The following KALRN variants were observed in gnomAD, a reference collection of about 807,000 sequenced individuals.
The protein encoded by KALRN is kalirin RhoGEF kinase, also known as kalirin.
KALRN carries 70 observed loss-of-function variants against 353.7 expected under a neutral mutation model. The observed-to-expected ratio is 0.20, with a 90% CI of 0.16 to 0.24. The LOEUF (loss-of-function observed/expected upper bound fraction) is 0.24. KALRN is among the 10% of genes least tolerant of loss of function. The pLI is 1.00. For missense variants in KALRN, 2,791 were observed against 3,756.7 expected (o/e 0.74, Z 6.72); for synonymous variants, 1,391 against 1,434.8 (o/e 0.97, Z 0.69).
chr3:124,167,145 C>G (rs1403605542), intron 1 of KALRN, among the ~76,000 whole-genome samples: 1 of 152,024 alleles, frequency 6.6e-6, no homozygotes, highest in South Asian at 2.1e-4. Context: ...AAGAGTAAAC[C>G]CTGTGTCCTT....
chr3:124,335,406 C>T (rs1355129540), intron 9 of KALRN, among the ~76,000 whole-genome samples: 2 of 152,038 alleles, frequency 1.3e-5, no homozygotes, highest in Non-Finnish European at 2.9e-5. Flanking sequence ...TTTTCCTTTA[C>T]CACTAATAAT....
At chr3:124,405,927 A>C (rs1326967031) in intron 13 of KALRN, among the ~76,000 whole-genome samples, 1 of 152,216 alleles carries the variant, frequency 6.6e-6, no homozygotes, top group Non-Finnish European at 1.5e-5. Context: ...TACAGGCGTG[A>C]GCCACCACAC....
chr3:124,471,954 G>A (rs1383859584), intron 25 of KALRN, among the ~76,000 whole-genome samples: 4 of 126,388 alleles, frequency 3.2e-5, no homozygotes, highest in Admixed American at 9.3e-5. Context: ...GTGACAGAGT[G>A]AGACTCCGTC....
rs141308679 is a variant in KALRN at position 124,284,655 on chromosome 3, G to A, written c.970-14136G>A. Among the ~76,000 whole-genome samples the A allele has an allele frequency of 3.0e-4, 45 of 152,200 alleles. No individual in the cohort carries two copies. In the East Asian group the frequency reaches 3.5e-3, roughly 12 times the overall value. On this transcript the variant is annotated intron_variant, in intron 5 of 59. Coordinates refer to ENST00000682506, the MANE Select transcript of KALRN (RefSeq NM_001388419.1). ...CCGTGGCCTTGATCTTTTATCACCC[G>A]TGTCTAACCCAATGTCTGGAATACG...
At chr3:124,642,806 G>GTTTTTTTGTTGTTTTTGTTTTTTT (rs1553707032) in intron 37 of KALRN, among the ~76,000 whole-genome samples, 1 of 96,840 alleles carries the variant, frequency 1.0e-5, no homozygotes, top group Non-Finnish European at 1.9e-5. Context: ...CCCAAGCCTC[G>GTTTTTTTGTTGTTTTTGTTTTTTT]TTTTTTTTTT....
At chr3:124,445,726 C>T (rs2093815680) in intron 19 of KALRN, among the ~76,000 whole-genome samples, 1 of 152,194 alleles carries the variant, frequency 6.6e-6, no homozygotes, top group African/African-American at 2.4e-5. Flanking sequence ...AGCCCTCATT[C>T]CACTATAAAT....
intron 25 of KALRN, 120 bp from the exon 26 acceptor site, chr3:124,474,543 A>G (rs1165937846): frequency 1.3e-6 from 1 of 752,028 alleles, no homozygotes; most frequent in Non-Finnish European, 2.4e-6. Flanking sequence ...TCTATCACTT[A>G]GACAGTAGAG....
chr3:124,251,555 G>C (rs1019810506), intron 3 of KALRN, among the ~76,000 whole-genome samples: 1 of 151,886 alleles, frequency 6.6e-6, no homozygotes, highest in African/African-American at 2.4e-5. Context: ...TTTTTTTGTA[G>C]AGACGTGGTT....
chr3:124,687,914 T>C (rs1315464483), intron 51 of KALRN, among the ~76,000 whole-genome samples: 1 of 152,066 alleles, frequency 6.6e-6, no homozygotes, highest in Non-Finnish European at 1.5e-5. Flanking sequence ...ACGAAAATAC[T>C]TGGGAGTAAG....
Position 124,443,600 on chromosome 3 carries a change from T to C in KALRN, c.3313+1541T>C, listed in dbSNP as rs146923094. On this transcript the variant is annotated intron_variant, in intron 19 of 59. Coordinates refer to ENST00000682506, the MANE Select transcript of KALRN (RefSeq NM_001388419.1). ...CCAGCACATTTGAAAGCATATGTTC[T>C]GGCTTCCAAATGTAGATGGGAGCTT... Among the ~76,000 whole-genome samples the C allele has an allele frequency of 2.5e-3, 381 of 152,360 alleles. 5 individuals are homozygous for C. The highest frequency in any genetic ancestry group is 8.6e-3 in the African/African-American group (357 of 41,582).
rs577210534 is a variant in KALRN at position 124,422,868 on chromosome 3, T to C, written c.2599T>C (p.Leu867=). 7 of 1,613,958 alleles carry C rather than the reference T, an allele frequency of 4.3e-6. No individual in the cohort carries two copies. The highest frequency in any genetic ancestry group is 1.7e-5 in the Admixed American group (1 of 59,990). ...IDLAAQVQEL[L]EFLHEKQHEL... Reference sequence around the variant, plus strand: ...TCTGGCAGCCCAGGTGCAAGAGTTATTGGAATTTCTCCATGAGAAGCAGCA... The same window carrying C: ...TCTGGCAGCCCAGGTGCAAGAGTTACTGGAATTTCTCCATGAGAAGCAGCA... The change falls in exon 15 of 60, where the codon TTG becomes CTG. Residue 867 remains leucine (L), a synonymous_variant. Coordinates refer to ENST00000682506, the MANE Select transcript of KALRN (RefSeq NM_001388419.1).
At chr3:124,084,065 A>C (rs1346545607) in intron 1 of KALRN, among the ~76,000 whole-genome samples, 1 of 152,174 alleles carries the variant, frequency 6.6e-6, no homozygotes, top group African/African-American at 2.4e-5. Flanking sequence ...CTAAATGGGG[A>C]GAAGGAGAAA....
chr3:124,394,931 C>G (rs2089965961), intron 11 of KALRN, among the ~76,000 whole-genome samples: 2 of 152,136 alleles, frequency 1.3e-5, no homozygotes, highest in South Asian at 4.2e-4. Flanking sequence ...TCTTTAGGGA[C>G]TGTCAACACC....
chr3:124,157,378 C>G (rs1436840098), intron 1 of KALRN, among the ~76,000 whole-genome samples: 1 of 152,206 alleles, frequency 6.6e-6, no homozygotes, highest in Non-Finnish European at 1.5e-5. Context: ...CCAAAGACAG[C>G]TAGGAGTTTG....
chr3:124,200,405 G>A (rs1338603500), intron 1 of KALRN, among the ~76,000 whole-genome samples: 6 of 152,158 alleles, frequency 3.9e-5, no homozygotes, highest in Admixed American at 2.6e-4. Flanking sequence ...AGTGTCTGGC[G>A]AGGGCATGTT....
intron 1 of KALRN, among the ~76,000 whole-genome samples, chr3:124,206,204 G>T (rs1402683990): frequency 2.0e-5 from 3 of 152,158 alleles, no homozygotes; most frequent in Admixed American, 2.0e-4. Flanking sequence ...GTTCCTGGTT[G>T]ATGACAACCC....
chr3:124,408,164 A>G (rs1171514959), intron 13 of KALRN, among the ~76,000 whole-genome samples: 6 of 137,314 alleles, frequency 4.4e-5, no homozygotes, highest in African/African-American at 1.4e-4. Flanking sequence ...ATCTAAGGCC[A>G]CAAACACAAA....
intron 26 of KALRN, 73 bp downstream of exon 26, chr3:124,474,805 G>A (rs1386292810): frequency 2.4e-5 from 28 of 1,181,812 alleles, no homozygotes; most frequent in Non-Finnish European, 3.3e-5. Flanking sequence ...CCTAAGGACT[G>A]GAGTCATTGC....
At chr3:124,365,976 T>G (rs1197241556) in intron 10 of KALRN, among the ~76,000 whole-genome samples, 2 of 152,240 alleles carry the variant, frequency 1.3e-5, no homozygotes, top group Non-Finnish European at 2.9e-5. Context: ...TTCAGGGTTA[T>G]GAATAACTAA....
Sources: gnomAD v4.1 joint callset for allele counts (sites outside exome capture counted in the v4.1 genomes callset) on GRCh38, gnomAD v4.1.1 for gene constraint, MANE v1.5 for transcripts, NCBI Gene and HGNC (gene_info 2026-07-23, HGNC 2026-07-21) for gene names.